CALN1: variants seen among roughly 807,000 people sequenced by gnomAD.
CALN1 encodes calneuron 1.
In CALN1, 17 loss-of-function variants were observed where a neutral mutation model predicts 30.6. The ratio of observed to expected loss-of-function variants is 0.56; its 90% CI spans 0.38 to 0.83. The LOEUF is 0.83. Among genes scored for constraint, CALN1 ranks in the 40% least tolerant of loss-of-function variants. The pLI, the probability that CALN1 is intolerant of heterozygous loss-of-function variation, is 0.00. For missense variants in CALN1, 291 were observed against 354.9 expected (o/e 0.82, Z 1.45); for synonymous variants, 156 against 131.4 (o/e 1.19, Z -1.28).
chr7:72,300,821 C>T (rs577933417), intron 2 of CALN1, among the ~76,000 whole-genome samples: 5 of 151,604 alleles, frequency 3.3e-5, no homozygotes, highest in South Asian at 2.1e-4. Flanking sequence ...GGCGAAACCC[C>T]GTCTCTACCA....
chr7:71,947,857 T>C (rs1054568995), intron 5 of CALN1, among the ~76,000 whole-genome samples: 2 of 151,144 alleles, frequency 1.3e-5, no homozygotes, highest in African/African-American at 2.4e-5. Flanking sequence ...GGAGAATTAC[T>C]TGAACCTGGG....
intron 2 of CALN1, among the ~76,000 whole-genome samples, chr7:72,317,508 T>C (rs577802878): frequency 2.6e-4 from 40 of 152,288 alleles, no homozygotes; most frequent in African/African-American, 8.9e-4. Flanking sequence ...TCTGCCTGGC[T>C]GGCCCCACCA....
At chr7:72,376,115 T>C (rs1334726972) in intron 2 of CALN1, among the ~76,000 whole-genome samples, 2 of 152,276 alleles carry the variant, frequency 1.3e-5, no homozygotes, top group Non-Finnish European at 2.9e-5. Context: ...TTATGGATTA[T>C]ATCATCTTCT....
intron 3 of CALN1, among the ~76,000 whole-genome samples, chr7:72,184,731 T>C (rs1585114643): frequency 1.3e-5 from 2 of 152,182 alleles, no homozygotes; most frequent in Non-Finnish European, 1.5e-5. Context: ...CCTCAGGAAT[T>C]ACCTGAGTAT....
intron 5 of CALN1, among the ~76,000 whole-genome samples, chr7:71,866,440 TC>T (rs1190274681): frequency 6.6e-6 from 1 of 152,148 alleles, no homozygotes; most frequent in Non-Finnish European, 1.5e-5. Flanking sequence ...TATAGACATT[TC>T]CCCATTTTTG....
chr7:71,920,741 A>G (rs1794903374), intron 5 of CALN1, among the ~76,000 whole-genome samples: 1 of 152,148 alleles, frequency 6.6e-6, no homozygotes, highest in African/African-American at 2.4e-5. Flanking sequence ...CACATACCTG[A>G]TTAAACATTT....
chr7:71,880,899 C>T (rs1792522832), intron 5 of CALN1, among the ~76,000 whole-genome samples: 1 of 152,082 alleles, frequency 6.6e-6, no homozygotes, highest in Non-Finnish European at 1.5e-5. Context: ...TGGATTGACG[C>T]ATGCAAAGTA....
intron 3 of CALN1, among the ~76,000 whole-genome samples, chr7:72,135,162 C>T (rs182732005): frequency 6.6e-6 from 1 of 152,276 alleles, no homozygotes; most frequent in Admixed American, 6.5e-5. Context: ...AGTCTTGAAC[C>T]CCTCAACATC....
At chr7:72,268,503 A>T (rs907847070) in intron 3 of CALN1, among the ~76,000 whole-genome samples, 1 of 152,188 alleles carries the variant, frequency 6.6e-6, no homozygotes, top group Admixed American at 6.5e-5. Flanking sequence ...GAAACAAAAT[A>T]AAATTAAATT....
chr7:71,799,756 A>G (rs1446132990), intron 6 of CALN1, among the ~76,000 whole-genome samples: 1 of 152,174 alleles, frequency 6.6e-6, no homozygotes, highest in Non-Finnish European at 1.5e-5. Flanking sequence ...GACTACAGGC[A>G]TGAGCCGCCG....
At chr7:72,082,414 G>A (rs1805207734) in intron 4 of CALN1, among the ~76,000 whole-genome samples, 1 of 152,198 alleles carries the variant, frequency 6.6e-6, no homozygotes, top group East Asian at 1.9e-4. Flanking sequence ...TACGGTGAAG[G>A]TTGGATAGGG....
At chr7:71,951,694 T>C (rs1284203316) in intron 5 of CALN1, among the ~76,000 whole-genome samples, 3 of 152,218 alleles carry the variant, frequency 2.0e-5, no homozygotes, top group African/African-American at 7.2e-5. Flanking sequence ...TCTGGTCTGC[T>C]ATAGCATCTC....
intron 5 of CALN1, among the ~76,000 whole-genome samples, chr7:71,904,410 T>C (rs1336744215): frequency 6.6e-6 from 1 of 152,216 alleles, no homozygotes; most frequent in Non-Finnish European, 1.5e-5. Flanking sequence ...TGGATGGAAC[T>C]AGAGGACATT....
At chr7:72,337,387 G>A (rs529559094) in intron 2 of CALN1, among the ~76,000 whole-genome samples, 3 of 148,560 alleles carry the variant, frequency 2.0e-5, no homozygotes, top group African/African-American at 5.0e-5. Flanking sequence ...CGCAACCTGA[G>A]GAACGCCTCG....
At chr7:72,092,887 C>T (rs1034768595) in intron 4 of CALN1, among the ~76,000 whole-genome samples, 2 of 152,116 alleles carry the variant, frequency 1.3e-5, no homozygotes, top group African/African-American at 4.8e-5. Flanking sequence ...GAGAGACGGG[C>T]TGGAGTCTCT....
intron 3 of CALN1, among the ~76,000 whole-genome samples, chr7:72,224,009 T>C (rs191252333): frequency 3.9e-5 from 6 of 152,148 alleles, no homozygotes; most frequent in African/African-American, 1.4e-4. Flanking sequence ...AGGGAGGATG[T>C]AGGGAGGAAG....
At chr7:71,798,175 G>T (rs1479163588) in intron 6 of CALN1, among the ~76,000 whole-genome samples, 1 of 131,908 alleles carries the variant, frequency 7.6e-6, no homozygotes, top group African/African-American at 2.8e-5. Flanking sequence ...GAGAGAGAGA[G>T]ATGTTGCTTG....
At chr7:72,426,621 T>C (rs534188745) in intron 1 of CALN1, among the ~76,000 whole-genome samples, 146 of 152,252 alleles carry the variant, frequency 9.6e-4, no homozygotes, top group African/African-American at 3.4e-3. Context: ...AACTAATACA[T>C]CTACTATAGC....
At chr7:72,214,434 G>T (rs537158582) in intron 3 of CALN1, among the ~76,000 whole-genome samples, 1 of 151,886 alleles carries the variant, frequency 6.6e-6, no homozygotes, top group Admixed American at 6.6e-5. Flanking sequence ...AGCCAAGATC[G>T]CTCCACTGCA....
Sources: gnomAD v4.1 joint callset for allele counts (sites outside exome capture counted in the v4.1 genomes callset) on GRCh38, gnomAD v4.1.1 for gene constraint, MANE v1.5 for transcripts, NCBI Gene and HGNC (gene_info 2026-07-23, HGNC 2026-07-21) for gene names.